USP25: variants seen among roughly 807,000 people sequenced by gnomAD.
USP25 encodes ubiquitin carboxyl-terminal hydrolase 25.
Under a neutral mutation model 158.5 loss-of-function variants are expected in USP25, and 85 were observed. That is an observed-to-expected ratio of 0.54 (90% confidence interval 0.45 to 0.64). The LOEUF (loss-of-function observed/expected upper bound fraction) is 0.64. Ranked by LOEUF, USP25 falls within the 30% of genes least tolerant of loss-of-function variation. The pLI is 0.00. For synonymous variants in USP25, 464 were observed against 460.4 expected (o/e 1.01, Z -0.10); for missense variants, 1,242 against 1,327.3 (o/e 0.94, Z 1.00).
Position 15,826,928 on chromosome 21 carries a change from G to C in USP25, c.1467-49G>C, listed in dbSNP as rs377421276. On this transcript the variant is annotated intron_variant, in intron 13 of 25. Coordinates refer to ENST00000400183, the MANE Select transcript of USP25 (RefSeq NM_001283041.3). This position sits in a 1 kb window ranked among gnomAD's most constrained non-coding sequence, Gnocchi z 4.8. ...GTGGGTTTGGCACGATCTTTGTCAA[G>C]AGTTTCAGCTTGAAAGGTTAATAAG... 325 of 1,587,660 alleles carry C rather than the reference G, an allele frequency of 2.0e-4. 1 individual carries two copies. The Middle Eastern group carries it at 4.2e-3, about 20-fold the overall frequency.
chr21:15,803,672 T>C (rs1380519890), intron 6 of USP25, among the ~76,000 whole-genome samples: 1 of 151,906 alleles, frequency 6.6e-6, no homozygotes, highest in Non-Finnish European at 1.5e-5. Flanking sequence ...ACTGGGAATG[T>C]CTCAAAAAAC....
chr21:15,746,377 A>G (rs113460858), intron 1 of USP25, among the ~76,000 whole-genome samples: 4 of 152,102 alleles, frequency 2.6e-5, no homozygotes, highest in Admixed American at 2.0e-4. Flanking sequence ...AGGTCTTTGC[A>G]TATCTTTTGT....
chr21:15,800,973 C>G (rs565279520), intron 6 of USP25, among the ~76,000 whole-genome samples: 1 of 151,524 alleles, frequency 6.6e-6, no homozygotes, highest in South Asian at 2.1e-4. Context: ...CTGACAAACT[C>G]TTATGTCTCC....
At chr21:15,779,760 T>A (rs2034858419) in intron 4 of USP25, among the ~76,000 whole-genome samples, 1 of 151,944 alleles carries the variant, frequency 6.6e-6, no homozygotes, top group South Asian at 2.1e-4. Context: ...TAATATAATT[T>A]AAAAATAGTA....
intron 22 of USP25, among the ~76,000 whole-genome samples, chr21:15,866,896 A>G (rs934248699): frequency 5.3e-5 from 8 of 152,164 alleles, no homozygotes; most frequent in Non-Finnish European, 1.2e-4. Context: ...CAGCTTGGCT[A>G]ATAGAACCTA....
In USP25 at chr21:15,811,124, T is replaced by TA; in HGVS notation, c.858-11dup. ...AAATTGTAATCACATTTATATTTTTTAACATACTTTAGGGATGAAGAGAAG... is the reference window on the plus strand; with the variant it reads ...AAATTGTAATCACATTTATATTTTTTAAACATACTTTAGGGATGAAGAGAAG... On this transcript the variant is annotated splice_polypyrimidine_tract_variant and intron_variant, in intron 8 of 25. Transcript: ENST00000400183. 6.3e-7 allele frequency: 1 copy of TA among 1,598,708 alleles called. No individual in the cohort carries two copies.
At chr21:15,827,227 T>G (rs751036722) in intron 14 of USP25, 24 bp downstream of exon 14, 5 of 1,579,296 alleles carry the variant, frequency 3.2e-6, no homozygotes, top group Non-Finnish European at 4.4e-6. Context: ...CATAGCATGG[T>G]TACTGTCACC....
chr21:15,756,754 T>G (rs2033404032), intron 1 of USP25, among the ~76,000 whole-genome samples: 1 of 152,206 alleles, frequency 6.6e-6, no homozygotes, highest in Admixed American at 6.5e-5. Context: ...TAGGTAATCT[T>G]GACTTCTTTG....
At position 15,875,219 on chromosome 21, in the gene USP25, GTTTAAC is replaced by G. The variant is rs751388954; in HGVS notation, c.3009+696_3009+701del. 2.6e-5 allele frequency among the ~76,000 whole-genome samples: 4 copies of G among 152,068 alleles called. No homozygotes were observed. The highest frequency in any genetic ancestry group is 5.9e-5 in the Non-Finnish European group (4 of 68,006). On this transcript the variant is annotated intron_variant, in intron 24 of 25. Coordinates refer to ENST00000400183, the MANE Select transcript of USP25 (RefSeq NM_001283041.3). The surrounding 1 kb of genome is among the most constrained non-coding windows in gnomAD (Gnocchi z 4.7). ...TACATAGAATGTATTAGAGTAATTT[GTTTAAC>G]TTAAAAAATTGAATTTTCAGGTACA...
chr21:15,830,729 A>C, intron 15 of USP25, 128 bp downstream of exon 15: 4 of 689,942 alleles, frequency 5.8e-6, no homozygotes, highest in Non-Finnish European at 9.3e-6. Context: ...ATCTTATTGT[A>C]AAATAATAAG....
intron 3 of USP25, among the ~76,000 whole-genome samples, chr21:15,773,979 T>C (rs1314434218): frequency 6.6e-6 from 1 of 152,176 alleles, no homozygotes; most frequent in Non-Finnish European, 1.5e-5. Context: ...GTTGTTTTGG[T>C]TGAAGTTTGT....
chr21:15,846,522 T>G (rs891244620), intron 18 of USP25, among the ~76,000 whole-genome samples: 42 of 152,086 alleles, frequency 2.8e-4, no homozygotes, highest in African/African-American at 9.9e-4. Context: ...TTGTTTTGTT[T>G]TATTGTTCAG....
intron 14 of USP25, among the ~76,000 whole-genome samples, chr21:15,829,850 G>A (rs1255405740): frequency 3.3e-5 from 5 of 152,026 alleles, no homozygotes; most frequent in African/African-American, 1.2e-4. Context: ...TTTCTGACAG[G>A]CTTAAGACAG....
At chr21:15,821,613 G>C (rs2037240993) in intron 10 of USP25, among the ~76,000 whole-genome samples, 1 of 151,874 alleles carries the variant, frequency 6.6e-6, no homozygotes, top group Admixed American at 6.6e-5. Flanking sequence ...AGGTTATATG[G>C]GGAACTTAAC....
At chr21:15,865,771 T>C (rs1399140818) in intron 21 of USP25, among the ~76,000 whole-genome samples, 2 of 152,298 alleles carry the variant, frequency 1.3e-5, no homozygotes, top group South Asian at 2.1e-4. Flanking sequence ...GACAGAGTTA[T>C]GCACATGTGA....
chr21:15,806,415 C>CT (rs1241558323), intron 7 of USP25, among the ~76,000 whole-genome samples: 18 of 122,416 alleles, frequency 1.5e-4, no homozygotes, highest in Admixed American at 1.1e-3. Flanking sequence ...TTTTCCTTGT[C>CT]TTTTTTCTGG....
chr21:15,778,176 A>G, intron 4 of USP25, 149 bp downstream of exon 4: 1 of 777,464 alleles, frequency 1.3e-6, no homozygotes, highest in African/African-American at 1.8e-5. Context: ...TTATGTAACC[A>G]AAATCTTCAT....
rs2030684173 is a variant in USP25 at position 15,730,430 on chromosome 21, G to A, written c.37G>A (p.Ala13Thr). 2.2e-6 allele frequency: 3 copies of A among 1,365,408 alleles called. No individual in the cohort carries two copies. Among genetic ancestry groups the A allele is most frequent in the Non-Finnish European group, 2.9e-6 (3 of 1,049,922 alleles). 84.6% of individuals were successfully genotyped at this position (1,365,408 alleles called of 1,614,324 possible). A position where few individuals can be genotyped will look rare whatever the true frequency, so the allele number is the denominator to read the frequency against. The change falls in exon 1 of 26, where the codon GCG becomes ACG. Residue 13 changes from alanine to threonine, a missense_variant. Coordinates refer to ENST00000400183, the MANE Select transcript of USP25 (RefSeq NM_001283041.3). ...GCAGAACGTGCTGCAGCAGAGCGCG[G>A]CGCAGAAGGTGAGGCGAGTCCGCCA... ...VEQNVLQQSA[A>T]QKHQQTFLNQ...
At chr21:15,853,070 G>A (rs1047589192) in intron 20 of USP25, among the ~76,000 whole-genome samples, 2 of 152,154 alleles carry the variant, frequency 1.3e-5, no homozygotes, top group Non-Finnish European at 2.9e-5. Context: ...CTCTGCCACT[G>A]CCATGGCCCT....
Sources: gnomAD v4.1 joint callset for allele counts (sites outside exome capture counted in the v4.1 genomes callset) on GRCh38, gnomAD v4.1.1 for gene constraint, Gnocchi (gnomAD v3.1) non-coding constraint, MANE v1.5 for transcripts, NCBI Gene and HGNC (gene_info 2026-07-23, HGNC 2026-07-21) for gene names.